COL23A1: variants seen among roughly 807,000 people sequenced by gnomAD.
COL23A1 encodes collagen alpha-1(XXIII) chain.
In COL23A1, 97 loss-of-function variants were observed where a neutral mutation model predicts 99.3. The observed-to-expected ratio is 0.98, with a 90% confidence interval of 0.83 to 1.16. The LOEUF is 1.16. Among genes scored for constraint, COL23A1 ranks in the 50% most tolerant of loss-of-function variants. The pLI is 0.00. For missense variants in COL23A1, 762 were observed against 757.4 expected, an observed-to-expected ratio of 1.01 and a Z score of -0.07; for synonymous variants, 320 against 308.2, an observed-to-expected ratio of 1.04 and a Z score of -0.40.
rs28534911 is a variant in COL23A1 at position 178,348,154 on chromosome 5, C to T, written c.362-41235G>A. On this transcript the variant is annotated intron_variant, in intron 2 of 28. Coordinates refer to ENST00000390654, the MANE Select transcript of COL23A1 (RefSeq NM_173465.4). ...CATCCAGCTCCAGCTGCCCTGACGC[C>T]GCCCCCCGACTGGCCTTGCCTTGGC... is the stretch of plus-strand genomic sequence containing the variant. 5.9e-3 allele frequency among the ~76,000 whole-genome samples: 900 copies of T among 152,168 alleles called. 9 individuals carry two copies. The highest frequency in any genetic ancestry group is 0.021 in the African/African-American group (867 of 41,526).
chr5:178,253,717 G>A (rs1047025225), intron 16 of COL23A1, among the ~76,000 whole-genome samples: 6 of 151,860 alleles, frequency 4.0e-5, no homozygotes, highest in South Asian at 4.2e-4. Context: ...TCCTCACCTC[G>A]TGATCCACCT....
intron 6 of COL23A1, among the ~76,000 whole-genome samples, 184 bp downstream of exon 6, chr5:178,270,152 CT>C (rs1347360310): frequency 6.6e-6 from 1 of 152,190 alleles, no homozygotes; most frequent in Non-Finnish European, 1.5e-5. Context: ...TTAAGGAGGC[CT>C]CCCTTGGTCA....
chr5:178,419,269 G>A (rs1765470247), intron 2 of COL23A1, among the ~76,000 whole-genome samples: 1 of 152,142 alleles, frequency 6.6e-6, no homozygotes, highest in African/African-American at 2.4e-5. Context: ...CTCTGTTCTC[G>A]TCAAGGTTGA....
At chr5:178,411,949 G>A (rs1030722697) in intron 2 of COL23A1, among the ~76,000 whole-genome samples, 6 of 152,086 alleles carry the variant, frequency 3.9e-5, no homozygotes, top group Admixed American at 1.3e-4. Context: ...AGAATAAGTC[G>A]GCATCATTTT....
chr5:178,455,175 A>T (rs935212788), intron 2 of COL23A1, among the ~76,000 whole-genome samples: 5 of 152,220 alleles, frequency 3.3e-5, no homozygotes, highest in African/African-American at 1.2e-4. Context: ...GAACTCCTGC[A>T]ATCTTTCCGG....
chr5:178,548,782 C>T (rs1761850796), intron 2 of COL23A1, among the ~76,000 whole-genome samples: 1 of 152,134 alleles, frequency 6.6e-6, no homozygotes, highest in African/African-American at 2.4e-5. Context: ...TATTTTCAAA[C>T]TTAAGGTGGC....
intron 1 of COL23A1, among the ~76,000 whole-genome samples, chr5:178,585,178 A>G (rs982351350): frequency 8.5e-5 from 13 of 152,300 alleles, no homozygotes; most frequent in African/African-American, 3.1e-4. Context: ...CCAAAGCAGA[A>G]GGAAGGCCCA....
chr5:178,503,914 C>T (rs998636793), intron 2 of COL23A1, among the ~76,000 whole-genome samples: 2 of 152,146 alleles, frequency 1.3e-5, no homozygotes, highest in East Asian at 3.9e-4. Context: ...GGGGAGGGTG[C>T]GGGCTTCCCT....
chr5:178,506,852 CT>C (rs1284613364), intron 2 of COL23A1, among the ~76,000 whole-genome samples: 1 of 152,304 alleles, frequency 6.6e-6, no homozygotes, highest in Non-Finnish European at 1.5e-5. Flanking sequence ...CTTTTTGTCT[CT>C]TTGTCCCACT....
At chr5:178,474,371 A>G (rs933853622) in intron 2 of COL23A1, among the ~76,000 whole-genome samples, 18 of 152,250 alleles carry the variant, frequency 1.2e-4, no homozygotes, top group African/African-American at 4.1e-4. Context: ...ATGATAATAT[A>G]GCAGTGGGCT....
In COL23A1 at chr5:178,326,985, C is replaced by T. The variant is rs201893316; in HGVS notation, c.362-20066G>A. Among the ~76,000 whole-genome samples, 38 of 152,256 alleles carry T rather than the reference C, an allele frequency of 2.5e-4. No homozygotes were observed. In the East Asian group the frequency reaches 2.5e-3, roughly 10 times the overall value. ...CGCCCACCTTGGCCTCCCAAAGTGC[C>T]GGGATTACAGGCGTGAGCCACTGCA... On this transcript the variant is annotated intron_variant, in intron 2 of 28. Coordinates refer to ENST00000390654, the MANE Select transcript of COL23A1 (RefSeq NM_173465.4).
At chr5:178,397,950 G>A (rs953321201) in intron 2 of COL23A1, among the ~76,000 whole-genome samples, 23 of 152,018 alleles carry the variant, frequency 1.5e-4, no homozygotes, top group Non-Finnish European at 3.4e-4. Flanking sequence ...TCACACCACT[G>A]CACTCCAGCC....
intron 2 of COL23A1, among the ~76,000 whole-genome samples, chr5:178,420,506 TTTTCCTCCTCTCC>T (rs1765569457): frequency 2.3e-4 from 13 of 55,520 alleles, no homozygotes; most frequent in Non-Finnish European, 2.4e-4. Flanking sequence ...CCTCCCCCCT[TTTTCCTCCTCTCC>T]TCCCCCTCCT....
At chr5:178,303,727 T>A (rs887134216) in intron 3 of COL23A1, among the ~76,000 whole-genome samples, 1 of 152,212 alleles carries the variant, frequency 6.6e-6, no homozygotes, top group East Asian at 1.9e-4. Flanking sequence ...TCTTTCTCTC[T>A]CCCTTCTCTC....
intron 2 of COL23A1, among the ~76,000 whole-genome samples, chr5:178,326,472 T>C (rs2973692): frequency 0.41 from 62,445 of 151,190 alleles, 13,327 homozygotes; most frequent in African/African-American, 0.51. Flanking sequence ...AGCCCCAGCT[T>C]GCTGGGACCT....
At chr5:178,587,855 A>C (rs899406194) in intron 1 of COL23A1, among the ~76,000 whole-genome samples, 3 of 152,168 alleles carry the variant, frequency 2.0e-5, no homozygotes, top group Admixed American at 6.5e-5. Flanking sequence ...AATAGCTCCT[A>C]GCAGAAACAG....
At position 178,551,399 on chromosome 5, in the gene COL23A1, A is replaced by G. The variant is rs149737967; in HGVS notation, c.361+9283T>C. ...AACTATGCTTTAAGAGAAGACTTCT[A>G]ATTATTTTTTTCCTTTCATCAGTGG... On this transcript the variant is annotated intron_variant, in intron 2 of 28. Transcript: ENST00000390654. Among the ~76,000 whole-genome samples, 29 of 152,114 alleles carry G rather than the reference A, an allele frequency of 1.9e-4. No homozygotes were observed. In the East Asian group the frequency reaches 5.4e-3, roughly 28 times the overall value.
intron 1 of COL23A1, among the ~76,000 whole-genome samples, chr5:178,584,340 A>ACACACC (rs1763815066): frequency 6.8e-6 from 1 of 147,728 alleles, no homozygotes; most frequent in Non-Finnish European, 1.5e-5. Context: ...ACACACACAC[A>ACACACC]CACCTAGAAA....
chr5:178,490,599 A>G (rs1757876743), intron 2 of COL23A1, among the ~76,000 whole-genome samples: 1 of 152,056 alleles, frequency 6.6e-6, no homozygotes, highest in South Asian at 2.1e-4. Context: ...CTTGGGCAAC[A>G]TAGTGAAAAA....
Sources: allele counts gnomAD v4.1 joint callset (sites outside exome capture counted in the v4.1 genomes callset), GRCh38; gene constraint gnomAD v4.1.1; transcripts MANE v1.5; gene names NCBI Gene and HGNC (gene_info 2026-07-23, HGNC 2026-07-21).